Variants in NOX4 observed in about 807,000 individuals in gnomAD.
The protein encoded by NOX4 is NADPH oxidase 4.
Under a neutral mutation model 87.6 loss-of-function variants are expected in NOX4, and 69 were observed. That is an observed-to-expected ratio of 0.79 (90% confidence interval 0.65 to 0.96). NOX4 has a LOEUF of 0.96. Ranked by LOEUF, NOX4 falls within the 40% of genes least tolerant of loss-of-function variation. The probability of loss-of-function intolerance (pLI) is 0.00; values close to 1 mark genes in which losing one functional copy is unlikely to be tolerated. For synonymous variants in NOX4, 275 were observed against 238.2 expected (o/e 1.15, Z -1.42); for missense variants, 680 against 681.5 (o/e 1.00, Z 0.02).
chr11:89,397,743 C>T (rs1165732162), intron 11 of NOX4, among the ~76,000 whole-genome samples: 1 of 152,024 alleles, frequency 6.6e-6, no homozygotes, highest in African/African-American at 2.4e-5. Context: ...TCGACACATA[C>T]ACCCTCCCGA....
At chr11:89,502,609 C>G (rs938216040), upstream of NOX4, among the ~76,000 whole-genome samples, 1 of 151,884 alleles carries the variant, frequency 6.6e-6, no homozygotes, top group African/African-American at 2.4e-5. Flanking sequence ...TTGATGAATC[C>G]ACCATCATTT....
rs185164892 is a variant in NOX4, at chr11:89,433,358, T to C, written c.476-502A>G. ...TATTCCATTTTTTTTAATTCCCAAATATTCTACTCAGAATGGCAAATAGGT... is the reference window on the plus strand; with the variant it reads ...TATTCCATTTTTTTTAATTCCCAAACATTCTACTCAGAATGGCAAATAGGT... On this transcript the variant is annotated intron_variant, in intron 6 of 17. Transcript: ENST00000263317. 2.9e-3 allele frequency among the ~76,000 whole-genome samples: 447 copies of C among 152,166 alleles called. 1 individual carries two copies. The highest frequency in any genetic ancestry group is 8.9e-3 in the African/African-American group (368 of 41,544).
Position 89,432,822 on chromosome 11 carries a change from C to G in NOX4, c.510G>C (p.Val170=), listed in dbSNP as rs1258118256. Residue 170 remains valine, a synonymous_variant, in exon 7 of 18, where the codon GTG becomes GTC. Coordinates refer to ENST00000263317, the MANE Select transcript of NOX4 (RefSeq NM_016931.5). ...TAGAGGCTGTGATCATGAGGAATAGCACCACCACCATGCAGACCCCTGTCA... is the reference window on the plus strand; with the variant it reads ...TAGAGGCTGTGATCATGAGGAATAGGACCACCACCATGCAGACCCCTGTCA... ...PGLTGVCMVV[V]LFLMITASTY... 6.2e-7 allele frequency: 1 copy of G among 1,611,212 alleles called. No individual in the cohort carries two copies. The highest frequency in any genetic ancestry group is 1.1e-5 in the South Asian group (1 of 90,982).
At chr11:89,370,960 G>A (rs1591046369) in intron 12 of NOX4, among the ~76,000 whole-genome samples, 1 of 151,882 alleles carries the variant, frequency 6.6e-6, no homozygotes, top group South Asian at 2.1e-4. Flanking sequence ...ACATATTTCA[G>A]CAAATAAAAA....
the NOX4 span, among the ~76,000 whole-genome samples, chr11:89,550,818 T>C: frequency 6.6e-6 from 1 of 152,218 alleles, no homozygotes; most frequent in Non-Finnish European, 1.5e-5. Context: ...TTGTCAGTTT[T>C]GGCTTTTGTT....
the NOX4 span, among the ~76,000 whole-genome samples, chr11:89,573,036 T>A: frequency 4.7e-4 from 71 of 152,278 alleles, no homozygotes; most frequent in African/African-American, 1.7e-3. Flanking sequence ...GAGAAACATG[T>A]ACTAGAATTA....
chr11:89,528,286 G>T, the NOX4 span, among the ~76,000 whole-genome samples: 2 of 152,170 alleles, frequency 1.3e-5, no homozygotes, highest in Non-Finnish European at 2.9e-5. Flanking sequence ...AAAGCAGCTT[G>T]CCATGTCTCA....
the NOX4 span, among the ~76,000 whole-genome samples, chr11:89,534,635 T>G: frequency 1.3e-5 from 2 of 152,346 alleles, no homozygotes; most frequent in East Asian, 3.9e-4. Flanking sequence ...CTTCTCTAAG[T>G]GAGTGAGAGT....
At chr11:89,493,385 T>C (rs941725411), upstream of NOX4, among the ~76,000 whole-genome samples, 12 of 140,172 alleles carry the variant, frequency 8.6e-5, no homozygotes, top group Non-Finnish European at 1.6e-4. Flanking sequence ...CAAGACTCTA[T>C]CTCAAAAAAA....
chr11:89,432,977 C>T (rs1035150708), intron 6 of NOX4, 121 bp from the exon 7 acceptor site: 1 of 663,994 alleles, frequency 1.5e-6, no homozygotes, highest in Non-Finnish European at 2.7e-6. Flanking sequence ...TCAAATCCCA[C>T]ATCTACATGT....
the NOX4 span, among the ~76,000 whole-genome samples, chr11:89,528,194 C>G: frequency 1.3e-5 from 2 of 152,130 alleles, no homozygotes; most frequent in East Asian, 3.9e-4. Context: ...CCATTTGGAA[C>G]GGGGGTATTT....
At chr11:89,340,972 A>G (rs879930610) in intron 14 of NOX4, among the ~76,000 whole-genome samples, 1 of 151,676 alleles carries the variant, frequency 6.6e-6, no homozygotes, top group Non-Finnish European at 1.5e-5. Flanking sequence ...TTGGTTCTGC[A>G]AAAAAAATAG....
chr11:89,395,822 G>C (rs189129658), intron 11 of NOX4, among the ~76,000 whole-genome samples: 1 of 152,036 alleles, frequency 6.6e-6, no homozygotes, highest in African/African-American at 2.4e-5. Context: ...GTAGATGTGC[G>C]GTGTTATTTC....
the NOX4 span, among the ~76,000 whole-genome samples, chr11:89,519,963 A>G: frequency 5.0e-3 from 754 of 152,130 alleles, 3 homozygotes; most frequent in African/African-American, 0.01. Flanking sequence ...TAATATTTAT[A>G]TATTGGATAT....
chr11:89,462,765 C>A (rs768360947), intron 2 of NOX4, among the ~76,000 whole-genome samples: 1 of 151,878 alleles, frequency 6.6e-6, no homozygotes, highest in Non-Finnish European at 1.5e-5. Flanking sequence ...ATATATTAAT[C>A]TTTTGGACAT....
chr11:89,582,689 G>A, the NOX4 span, among the ~76,000 whole-genome samples: 4 of 152,172 alleles, frequency 2.6e-5, no homozygotes. Flanking sequence ...TGCTTCTCCA[G>A]GTTCCCTGCT....
At chr11:89,401,058 G>T (rs182745769) in intron 9 of NOX4, among the ~76,000 whole-genome samples, 6 of 152,142 alleles carry the variant, frequency 3.9e-5, no homozygotes, top group Admixed American at 3.3e-4. Flanking sequence ...AAGCCTATGT[G>T]GCTTACTGTT....
intron 17 of NOX4, among the ~76,000 whole-genome samples, chr11:89,333,608 C>T (rs1318383899): frequency 6.6e-6 from 1 of 151,732 alleles, no homozygotes; most frequent in Non-Finnish European, 1.5e-5. Context: ...AAACTGTTGC[C>T]CAACCCATGA....
intron 13 of NOX4, among the ~76,000 whole-genome samples, chr11:89,350,903 A>C (rs563440994): frequency 5.9e-5 from 9 of 152,276 alleles, no homozygotes; most frequent in African/African-American, 1.9e-4. Flanking sequence ...GCCAATTAAC[A>C]ACTCTAAAAT....
Sources: gnomAD v4.1 joint callset for allele counts (sites outside exome capture counted in the v4.1 genomes callset) on GRCh38, gnomAD v4.1.1 for gene constraint, MANE v1.5 for transcripts, NCBI Gene and HGNC (gene_info 2026-07-23, HGNC 2026-07-21) for gene names.